The following EEIG1 variants were observed in gnomAD, a reference collection of about 807,000 sequenced individuals.
The protein encoded by EEIG1 is estrogen-induced osteoclastogenesis regulator 1, also known as early estrogen-induced gene 1 protein.
At chr9:127,948,832 C>T in the EEIG1 span, among the ~76,000 whole-genome samples, 6 of 152,214 alleles carry the variant, frequency 3.9e-5, no homozygotes, top group Non-Finnish European at 7.3e-5. Flanking sequence ...CCTGGCACAG[C>T]AGGTGGTGGG....
chr9:127,960,878 T>C, the EEIG1 span, among the ~76,000 whole-genome samples: 1 of 151,934 alleles, frequency 6.6e-6, no homozygotes, highest in African/African-American at 2.4e-5. Context: ...CTCCCTCCTG[T>C]TTCTACAGGG....
chr9:127,953,750 G>C, the EEIG1 span: 1 of 1,613,666 alleles, frequency 6.2e-7, no homozygotes, highest in South Asian at 1.1e-5. Flanking sequence ...GCGGACTCAT[G>C]AGGGGAGGGG....
the EEIG1 span, among the ~76,000 whole-genome samples, chr9:127,974,266 C>T: frequency 7.9e-5 from 12 of 152,268 alleles, no homozygotes; most frequent in East Asian, 2.3e-3. Flanking sequence ...GGCCCCTGAA[C>T]CTTCTCCACC....
chr9:127,963,509 T>C, the EEIG1 span, among the ~76,000 whole-genome samples: 2 of 152,272 alleles, frequency 1.3e-5, no homozygotes, highest in African/African-American at 4.8e-5. Context: ...GGACAAGCCC[T>C]GCACCCACCA....
At chr9:127,951,092 A>C in the EEIG1 span, among the ~76,000 whole-genome samples, 15 of 152,274 alleles carry the variant, frequency 9.9e-5, no homozygotes, top group Non-Finnish European at 1.8e-4. Context: ...CTCTGGACAG[A>C]GGATCGAGGG....
At chr9:127,979,876 A>C in the EEIG1 span, 16 of 1,301,700 alleles carry the variant, frequency 1.2e-5, no homozygotes, top group South Asian at 4.6e-5. Context: ...CCCCAGGCAC[A>C]CAGAATCCCC....
At chr9:127,953,570 C>G in the EEIG1 span, 1 of 1,614,112 alleles carries the variant, frequency 6.2e-7, no homozygotes, top group Non-Finnish European at 8.5e-7. Flanking sequence ...CACAGCCCCT[C>G]TTACCTTGGA....
chr9:127,949,045 G>C, the EEIG1 span, among the ~76,000 whole-genome samples: 1 of 151,882 alleles, frequency 6.6e-6, no homozygotes, highest in Admixed American at 6.6e-5. Context: ...GCCGGGTGCC[G>C]TGGCTCACGC....
At chr9:127,948,031 G>A in the EEIG1 span, 1 of 1,583,962 alleles carries the variant, frequency 6.3e-7, no homozygotes. Context: ...AACCCCTCGG[G>A]CCGCTAGCAG....
At chr9:127,945,898 C>G in the EEIG1 span, 2 of 630,058 alleles carry the variant, frequency 3.2e-6, no homozygotes, top group Non-Finnish European at 5.6e-6. This position sits in a 1 kb window ranked among gnomAD's most constrained non-coding sequence, Gnocchi z 6.5. Context: ...GGAGCAGCAA[C>G]CAGCCTGAGC....
At chr9:127,961,956 T>C in the EEIG1 span, among the ~76,000 whole-genome samples, 1 of 152,052 alleles carries the variant, frequency 6.6e-6, no homozygotes, top group Non-Finnish European at 1.5e-5. Context: ...AGAGGAGCTG[T>C]ATGGAGGGGC....
At chr9:127,958,050 AT>A in the EEIG1 span, among the ~76,000 whole-genome samples, 1 of 152,218 alleles carries the variant, frequency 6.6e-6, no homozygotes, top group Non-Finnish European at 1.5e-5. Context: ...TGGTCAATTG[AT>A]TTTTGACAAC....
the EEIG1 span, among the ~76,000 whole-genome samples, chr9:127,948,679 G>A: frequency 4.6e-5 from 7 of 152,322 alleles, no homozygotes; most frequent in South Asian, 2.1e-4. Context: ...TCAGCCCTGC[G>A]CCTGGCAGAG....
chr9:127,971,546 G>T, the EEIG1 span, among the ~76,000 whole-genome samples: 1 of 151,576 alleles, frequency 6.6e-6, no homozygotes, highest in South Asian at 2.1e-4. Flanking sequence ...GGAATGCGGG[G>T]CGGGGGGGCG....
the EEIG1 span, chr9:127,950,567 G>C: frequency 6.2e-7 from 1 of 1,607,370 alleles, no homozygotes; most frequent in South Asian, 1.1e-5. Context: ...CGTGTGGGAG[G>C]GCTGAGGGAG....
the EEIG1 span, chr9:127,950,327 T>C: frequency 7.8e-7 from 1 of 1,285,476 alleles, no homozygotes; most frequent in Non-Finnish European, 1.1e-6. Context: ...GTAAGGCCTG[T>C]ATTTTTAACA....
the EEIG1 span, chr9:127,980,141 C>T: frequency 1.2e-6 from 2 of 1,611,020 alleles, no homozygotes; most frequent in South Asian, 1.1e-5. Flanking sequence ...AAGCCATGAG[C>T]GAGTTCCCTG....
chr9:127,943,606 T>G, the EEIG1 span: 4 of 254,294 alleles, frequency 1.6e-5, no homozygotes, highest in Non-Finnish European at 2.3e-5. Context: ...GTCAGCTCCT[T>G]TCCCTGCCGA....
At chr9:127,953,644 G>C in the EEIG1 span, 1 of 1,612,444 alleles carries the variant, frequency 6.2e-7, no homozygotes, top group East Asian at 2.2e-5. Context: ...GTTGACTGCA[G>C]AATCCCAGGG....
Sources: allele counts gnomAD v4.1 joint callset (sites outside exome capture counted in the v4.1 genomes callset), GRCh38; gene constraint gnomAD v4.1.1; non-coding constraint Gnocchi (gnomAD v3.1); transcripts MANE v1.5; gene names NCBI Gene and HGNC (gene_info 2026-07-23, HGNC 2026-07-21).